LRRC3B: variants seen among roughly 807,000 people sequenced by gnomAD.
The protein encoded by LRRC3B is leucine-rich repeat-containing protein 3B.
In LRRC3B, 2 loss-of-function variants were observed where a neutral mutation model predicts 12.8. That is an observed-to-expected ratio of 0.16 (90% CI 0.06 to 0.49). The LOEUF (loss-of-function observed/expected upper bound fraction) is 0.49. Ranked by LOEUF, LRRC3B falls within the 20% of genes least tolerant of loss-of-function variation. The pLI is 0.96. For missense variants in LRRC3B, 189 were observed against 319.4 expected, an observed-to-expected ratio of 0.59 and a Z score of 3.11; for synonymous variants, 132 against 122.0, an observed-to-expected ratio of 1.08 and a Z score of -0.54.
At position 26,682,763 on chromosome 3, in the gene LRRC3B, C is replaced by CCCCTT. The variant is rs199862101; in HGVS notation, c.-160-26746_-160-26742dup. Among the ~76,000 whole-genome samples the CCCCTT allele has an allele frequency of 4.0e-3, 609 of 152,332 alleles. 1 individual carries two copies. Among genetic ancestry groups the CCCCTT allele is most frequent in the Middle Eastern group, 0.01 (3 of 294 alleles). On this transcript the variant is annotated intron_variant, in intron 1 of 1. Transcript: ENST00000396641. ...TGGCATTGCCTCAGTGGATAGTCTT[C>CCCCTT]CCCTTCCCATTGCATACTGCATGTG...
chr3:26,678,979 A>G (rs1274784211), intron 1 of LRRC3B, among the ~76,000 whole-genome samples: 1 of 152,250 alleles, frequency 6.6e-6, no homozygotes, highest in Non-Finnish European at 1.5e-5. Context: ...GTCTGCTATC[A>G]TACAACAAAT....
At chr3:26,671,361 TATATATATATATAG>T (rs1476436067) in intron 1 of LRRC3B, among the ~76,000 whole-genome samples, 2 of 49,258 alleles carry the variant, frequency 4.1e-5, no homozygotes, top group South Asian at 8.2e-4. Flanking sequence ...TATATATATA[TATATATATATATAG>T]AGAGAGAGAG....
chr3:26,679,870 G>A (rs1364370904), intron 1 of LRRC3B, among the ~76,000 whole-genome samples: 1 of 152,108 alleles, frequency 6.6e-6, no homozygotes, highest in Non-Finnish European at 1.5e-5. Context: ...TGATGAGAAG[G>A]AGTGATGAAA....
At chr3:26,673,360 T>C (rs377383314) in intron 1 of LRRC3B, among the ~76,000 whole-genome samples, 10 of 152,230 alleles carry the variant, frequency 6.6e-5, no homozygotes, top group African/African-American at 2.4e-4. Context: ...AACCCAACAA[T>C]GCTGAAGAGG....
rs750253722 is a variant in LRRC3B at position 26,673,563 on chromosome 3, C to T, written c.-160-35950C>T. Among the ~76,000 whole-genome samples, 3 of 152,288 alleles carry T rather than the reference C, an allele frequency of 2.0e-5. No individual in the cohort carries two copies. The East Asian group carries it at 5.8e-4, about 29-fold the overall frequency. ...CTTTCTGGTGCTTGCCTGTTTTATA[C>T]GTCTTCTTTGCCTATAAAAGAGAAG... On this transcript the variant is annotated intron_variant, in intron 1 of 1. Transcript: ENST00000396641.
intron 1 of LRRC3B, among the ~76,000 whole-genome samples, chr3:26,665,737 C>A (rs187530395): frequency 3.3e-5 from 5 of 152,088 alleles, no homozygotes; most frequent in African/African-American, 9.7e-5. Flanking sequence ...AAATTCCAGT[C>A]AAATCTTAGG....
intron 1 of LRRC3B, among the ~76,000 whole-genome samples, chr3:26,708,504 T>C (rs991271029): frequency 9.7e-5 from 14 of 144,436 alleles, no homozygotes; most frequent in Non-Finnish European, 3.1e-5. Flanking sequence ...CTGTTTGACC[T>C]TGGGTAAGTA....
At chr3:26,710,519 T>C (rs1700727036) in exon 2 of LRRC3B, 1 of 1,437,606 alleles carries the variant, frequency 7.0e-7, no homozygotes. Flanking sequence ...ATAAGTGGTT[T>C]ACTTCTCCCA....
chr3:26,650,397 G>C (rs1479450253), intron 1 of LRRC3B, among the ~76,000 whole-genome samples: 1 of 152,134 alleles, frequency 6.6e-6, no homozygotes, highest in Non-Finnish European at 1.5e-5. Context: ...CCAAGAGGGA[G>C]AGTGTAAAAC....
rs556813116 is a variant in LRRC3B, at chr3:26,662,159, A to AT, written c.-161+38928dup. The stretch of plus-strand genomic sequence containing the variant: ...TCCTCTTGAGTTTGATAATTGAGTC[A>AT]TTTTTTCTGGCTATTAATGCTAACT... On this transcript the variant is annotated intron_variant, in intron 1 of 1. Transcript: ENST00000396641. Among the ~76,000 whole-genome samples the AT allele has an allele frequency of 2.3e-3, 347 of 152,084 alleles. 2 individuals carry two copies. Among genetic ancestry groups the AT allele is most frequent in the Non-Finnish European group, 4.0e-3 (273 of 67,962 alleles).
intron 1 of LRRC3B, among the ~76,000 whole-genome samples, chr3:26,674,090 A>ATACTC (rs1239124924): frequency 6.6e-6 from 1 of 152,246 alleles, no homozygotes; most frequent in Non-Finnish European, 1.5e-5. Flanking sequence ...TGAAACAAGC[A>ATACTC]TACTCTGCAT....
chr3:26,671,373 T>TATATATATATATATAGAGAG (rs1261897533), intron 1 of LRRC3B, among the ~76,000 whole-genome samples: 1 of 28,248 alleles, frequency 3.5e-5, no homozygotes, highest in African/African-American at 1.5e-4. Flanking sequence ...TATATATATA[T>TATATATATATATATAGAGAG]AGAGAGAGAG....
At chr3:26,627,328 T>A (rs375685892) in intron 1 of LRRC3B, among the ~76,000 whole-genome samples, 108 of 152,260 alleles carry the variant, frequency 7.1e-4, no homozygotes, top group African/African-American at 2.4e-3. Flanking sequence ...ATCCTGTTTT[T>A]CAGAATCAGA....
At chr3:26,702,066 G>A (rs1309548685) in intron 1 of LRRC3B, among the ~76,000 whole-genome samples, 1 of 152,090 alleles carries the variant, frequency 6.6e-6, no homozygotes, top group Non-Finnish European at 1.5e-5. Flanking sequence ...ATAAATAAAT[G>A]TTTATTAAAT....
intron 1 of LRRC3B, among the ~76,000 whole-genome samples, chr3:26,670,742 A>G (rs1699702731): frequency 6.6e-6 from 1 of 152,218 alleles, no homozygotes; most frequent in Non-Finnish European, 1.5e-5. Context: ...AATTTCCCCA[A>G]GTATAATATA....
rs1340961813 is a variant in LRRC3B, at chr3:26,671,413, G to GAC, written c.-160-38099_-160-38098dup. The stretch of plus-strand genomic sequence containing the variant: ...AGAGAGAGAGAGAGAGAGAGAGAGA[G>GAC]ACGAAGTCTTGCTCTGTCGCCAGGC... On this transcript the variant is annotated intron_variant, in intron 1 of 1. Transcript: ENST00000396641. Among the ~76,000 whole-genome samples the GAC allele has an allele frequency of 4.1e-3, 408 of 99,356 alleles. 36 individuals are homozygous for GAC. The highest frequency in any genetic ancestry group is 9.8e-3 in the Middle Eastern group (2 of 204). 65.2% of individuals were successfully genotyped at this position (99,356 alleles called of 152,430 possible). A position where few individuals can be genotyped will look rare whatever the true frequency, so the allele number is the denominator to read the frequency against.
chr3:26,645,915 C>T (rs1341998404), intron 1 of LRRC3B, among the ~76,000 whole-genome samples: 2 of 151,992 alleles, frequency 1.3e-5, no homozygotes, highest in Non-Finnish European at 2.9e-5. Context: ...TTGAGTTTGC[C>T]GTCATATCAA....
At chr3:26,637,498 GTCT>G (rs1457810015) in intron 1 of LRRC3B, among the ~76,000 whole-genome samples, 4 of 152,116 alleles carry the variant, frequency 2.6e-5, no homozygotes, top group Non-Finnish European at 4.4e-5. Context: ...CAATGAAGAG[GTCT>G]TCTTTCCACT....
At chr3:26,668,213 A>G (rs2125428634) in intron 1 of LRRC3B, among the ~76,000 whole-genome samples, 1 of 152,198 alleles carries the variant, frequency 6.6e-6, no homozygotes, top group South Asian at 2.1e-4. Context: ...CCTTTGTTTC[A>G]TGGGATGTGC....
Sources: allele counts gnomAD v4.1 joint callset (sites outside exome capture counted in the v4.1 genomes callset), GRCh38; gene constraint gnomAD v4.1.1; transcripts MANE v1.5; gene names NCBI Gene and HGNC (gene_info 2026-07-23, HGNC 2026-07-21).